Variants in BLTP3B observed in about 807,000 individuals in gnomAD.
BLTP3B encodes the protein bridge-like lipid transfer protein family member 3B.
the BLTP3B span, among the ~76,000 whole-genome samples, chr12:100,125,027 T>G: frequency 7.4e-6 from 1 of 135,726 alleles, no homozygotes; most frequent in Non-Finnish European, 1.6e-5. Flanking sequence ...TGGGTAGACC[T>G]TACATTAAAA....
At chr12:100,118,981 A>G in the BLTP3B span, among the ~76,000 whole-genome samples, 1 of 152,112 alleles carries the variant, frequency 6.6e-6, no homozygotes, top group Non-Finnish European at 1.5e-5. Flanking sequence ...ATGCACCTGT[A>G]GTCCCAGCTA....
At chr12:100,081,814 T>C in the BLTP3B span, among the ~76,000 whole-genome samples, 1 of 152,216 alleles carries the variant, frequency 6.6e-6, no homozygotes, top group African/African-American at 2.4e-5. Context: ...TCCACTGCAC[T>C]GATGGGCATC....
chr12:100,050,286 A>T, the BLTP3B span: 10 of 1,607,802 alleles, frequency 6.2e-6, no homozygotes, highest in African/African-American at 1.3e-4. Context: ...TTTCCCCATT[A>T]ACACCAGTAA....
chr12:100,049,618 G>C, the BLTP3B span, among the ~76,000 whole-genome samples: 1 of 152,008 alleles, frequency 6.6e-6, no homozygotes, highest in Non-Finnish European at 1.5e-5. Flanking sequence ...AGAAAATAAT[G>C]CAAGAGTTCA....
the BLTP3B span, among the ~76,000 whole-genome samples, chr12:100,076,826 T>A: frequency 1.3e-5 from 2 of 152,256 alleles, no homozygotes; most frequent in African/African-American, 4.8e-5. Context: ...GTCAACTTAT[T>A]TTAACAAATA....
the BLTP3B span, among the ~76,000 whole-genome samples, chr12:100,071,968 A>G: frequency 6.6e-6 from 1 of 152,240 alleles, no homozygotes; most frequent in Admixed American, 6.5e-5. Flanking sequence ...AATGAACATA[A>G]ATACCAGATG....
At chr12:100,060,215 T>C in the BLTP3B span, among the ~76,000 whole-genome samples, 4 of 152,232 alleles carry the variant, frequency 2.6e-5, no homozygotes, top group East Asian at 3.9e-4. Flanking sequence ...CACATTTAGA[T>C]AGACAAAAAA....
chr12:100,084,796 A>G, the BLTP3B span: 12 of 837,798 alleles, frequency 1.4e-5, no homozygotes, highest in African/African-American at 1.7e-4. Context: ...CTTCACCTAC[A>G]TGTAATTTCG....
At chr12:100,047,841 G>T in the BLTP3B span, 4 of 1,208,554 alleles carry the variant, frequency 3.3e-6, no homozygotes, top group Non-Finnish European at 4.5e-6. Context: ...TTTAATAAAT[G>T]CTGATAGAAT....
chr12:100,074,966 T>A, the BLTP3B span, among the ~76,000 whole-genome samples: 85 of 151,874 alleles, frequency 5.6e-4, no homozygotes, highest in Admixed American at 8.5e-4. Flanking sequence ...GGTGCCTGGA[T>A]GACTGGCTAG....
chr12:100,118,301 AG>A, the BLTP3B span, among the ~76,000 whole-genome samples: 79 of 152,148 alleles, frequency 5.2e-4, no homozygotes, highest in Non-Finnish European at 1.0e-3. Context: ...CTGAGGCAGG[AG>A]GACTGCTTAA....
At chr12:100,082,998 T>C in the BLTP3B span, 26 of 1,583,556 alleles carry the variant, frequency 1.6e-5, no homozygotes, top group African/African-American at 6.7e-5. Flanking sequence ...GAAAACTTAA[T>C]TGGAAAAGAA....
the BLTP3B span, among the ~76,000 whole-genome samples, chr12:100,129,969 C>T: frequency 6.6e-6 from 1 of 152,066 alleles, no homozygotes; most frequent in Non-Finnish European, 1.5e-5. Context: ...TTTTCTTCCC[C>T]CCCTTGGGAT....
the BLTP3B span, among the ~76,000 whole-genome samples, chr12:100,053,376 C>T: frequency 6.6e-6 from 1 of 151,924 alleles, no homozygotes; most frequent in Non-Finnish European, 1.5e-5. Context: ...CCACCGCACT[C>T]CAACCTGGGC....
the BLTP3B span, among the ~76,000 whole-genome samples, chr12:100,115,717 G>A: frequency 5.1e-4 from 77 of 151,988 alleles, 1 homozygote; most frequent in African/African-American, 1.7e-3. Flanking sequence ...AGCTGTGATC[G>A]TGCCACTGTA....
At chr12:100,101,540 G>A in the BLTP3B span, among the ~76,000 whole-genome samples, 4 of 152,174 alleles carry the variant, frequency 2.6e-5, no homozygotes, top group African/African-American at 4.8e-5. Flanking sequence ...TAATGTGAAC[G>A]CAAAAATAAT....
At chr12:100,088,677 T>C in the BLTP3B span, among the ~76,000 whole-genome samples, 2 of 152,254 alleles carry the variant, frequency 1.3e-5, no homozygotes, top group Non-Finnish European at 1.5e-5. Context: ...TTTTTAAAGC[T>C]AATTTTATTG....
the BLTP3B span, among the ~76,000 whole-genome samples, chr12:100,125,013 T>C: frequency 7.3e-6 from 1 of 136,826 alleles, no homozygotes; most frequent in Non-Finnish European, 1.6e-5. Context: ...TATATATATA[T>C]ATATGGGTAG....
At chr12:100,037,829 A>G in the BLTP3B span, 7 of 1,335,616 alleles carry the variant, frequency 5.2e-6, no homozygotes, top group Non-Finnish European at 7.1e-6. Flanking sequence ...TATAGTATCC[A>G]AAGGTATGAC....
Sources: allele counts gnomAD v4.1 joint callset (sites outside exome capture counted in the v4.1 genomes callset), GRCh38; gene constraint gnomAD v4.1.1; transcripts MANE v1.5; gene names NCBI Gene and HGNC (gene_info 2026-07-23, HGNC 2026-07-21).